SLC23A2: variants seen among roughly 807,000 people sequenced by gnomAD.
SLC23A2 encodes Na(+)/L-ascorbic acid transporter 2.
Under a neutral mutation model 73.3 loss-of-function variants are expected in SLC23A2, and 36 were observed. That is an observed-to-expected ratio of 0.49 (90% CI 0.38 to 0.65). The LOEUF (loss-of-function observed/expected upper bound fraction) is 0.65. Among genes scored for constraint, SLC23A2 ranks in the 30% least tolerant of loss-of-function variants. The probability of loss-of-function intolerance (pLI) is 0.00; values close to 1 mark genes in which losing one functional copy is unlikely to be tolerated. For synonymous variants in SLC23A2, 343 were observed against 327.3 expected, an observed-to-expected ratio of 1.05 and a Z score of -0.52; for missense variants, 507 against 841.6, an observed-to-expected ratio of 0.60 and a Z score of 4.92.
At chr20:4,923,205 G>C (rs779335533) in intron 3 of SLC23A2, among the ~76,000 whole-genome samples, 6 of 139,570 alleles carry the variant, frequency 4.3e-5, no homozygotes, top group Non-Finnish European at 9.3e-5. Flanking sequence ...CCAGGAGTTC[G>C]AGACCAGCCT....
chr20:4,987,502 A>G (rs1337179709), intron 1 of SLC23A2, among the ~76,000 whole-genome samples: 1 of 152,166 alleles, frequency 6.6e-6, no homozygotes, highest in Non-Finnish European at 1.5e-5. Flanking sequence ...TACCAAGAAT[A>G]TCTGTGAGGA....
At chr20:5,007,560 T>C (rs2088204702) in intron 1 of SLC23A2, among the ~76,000 whole-genome samples, 1 of 152,102 alleles carries the variant, frequency 6.6e-6, no homozygotes, top group Admixed American at 6.6e-5. Flanking sequence ...AAGTAAACAA[T>C]TGTAAAGTAT....
At chr20:4,987,907 A>G (rs2087857977) in intron 1 of SLC23A2, among the ~76,000 whole-genome samples, 1 of 152,142 alleles carries the variant, frequency 6.6e-6, no homozygotes, top group Admixed American at 6.6e-5. Flanking sequence ...GAATACCACT[A>G]AAGAATATTT....
chr20:4,906,235 A>G (rs1931948736), intron 4 of SLC23A2, among the ~76,000 whole-genome samples: 1 of 152,058 alleles, frequency 6.6e-6, no homozygotes, highest in African/African-American at 2.4e-5. Flanking sequence ...CCCGCTCAGG[A>G]GTCTGAGGTA....
intron 16 of SLC23A2, among the ~76,000 whole-genome samples, chr20:4,858,992 G>A (rs572781232): frequency 3.9e-5 from 6 of 152,334 alleles, no homozygotes; most frequent in Admixed American, 3.9e-4. Flanking sequence ...TGTGCAGGGG[G>A]ACAGGAGCCT....
At chr20:4,907,424 T>TA (rs1202615612) in intron 4 of SLC23A2, among the ~76,000 whole-genome samples, 1 of 151,938 alleles carries the variant, frequency 6.6e-6, no homozygotes, top group Non-Finnish European at 1.5e-5. Flanking sequence ...GAAGAAAGAC[T>TA]AAAAAAATGA....
chr20:4,959,145 G>A (rs942758225), intron 2 of SLC23A2, among the ~76,000 whole-genome samples: 5 of 151,860 alleles, frequency 3.3e-5, no homozygotes, highest in African/African-American at 9.7e-5. Flanking sequence ...CTTGAACCCA[G>A]GAGGCAGAGG....
At chr20:4,982,730 G>A (rs944893063) in intron 1 of SLC23A2, among the ~76,000 whole-genome samples, 2 of 152,090 alleles carry the variant, frequency 1.3e-5, no homozygotes, top group African/African-American at 4.8e-5. Flanking sequence ...ACCTAAATAT[G>A]TGATTTTCAA....
At chr20:4,970,496 G>C (rs904388708) in intron 2 of SLC23A2, among the ~76,000 whole-genome samples, 2 of 152,148 alleles carry the variant, frequency 1.3e-5, no homozygotes, top group African/African-American at 4.8e-5. Flanking sequence ...ACTTTGGGAG[G>C]TAGAGGCAGG....
chr20:4,858,063 T>G (rs1389014862), intron 16 of SLC23A2, among the ~76,000 whole-genome samples: 1 of 152,224 alleles, frequency 6.6e-6, no homozygotes, highest in Non-Finnish European at 1.5e-5. Context: ...GAATCTTTAT[T>G]GTATCACACA....
At position 4,907,630 on chromosome 20, in the gene SLC23A2, C is replaced by T. The variant is rs1013361990; in HGVS notation, c.208-5072G>A. On this transcript the variant is annotated intron_variant, in intron 4 of 16. Coordinates refer to ENST00000338244, the MANE Select transcript of SLC23A2 (RefSeq NM_005116.6). The stretch of plus-strand genomic sequence containing the variant: ...CACAGGATAGTTTTTTAAAACTCAA[C>T]AGAAGGGCTGGAAGTCAAAGGTAGC... Among the ~76,000 whole-genome samples the T allele has an allele frequency of 6.6e-5, 10 of 151,932 alleles. No individual in the cohort carries two copies. In the South Asian group the frequency reaches 8.3e-4, roughly 13 times the overall value.
intron 3 of SLC23A2, among the ~76,000 whole-genome samples, chr20:4,929,551 T>C (rs1418539190): frequency 6.6e-6 from 1 of 150,830 alleles, no homozygotes; most frequent in Non-Finnish European, 1.5e-5. Flanking sequence ...AGAGATGAAA[T>C]TCCTGGAAGA....
chr20:4,905,797 T>C (rs964235135), intron 4 of SLC23A2, among the ~76,000 whole-genome samples: 2 of 152,192 alleles, frequency 1.3e-5, no homozygotes, highest in East Asian at 3.8e-4. Context: ...GGGAGCCACA[T>C]GGTTCTGTCA....
chr20:4,914,471 C>G (rs1193931370), intron 3 of SLC23A2, among the ~76,000 whole-genome samples: 1 of 151,828 alleles, frequency 6.6e-6, no homozygotes, highest in African/African-American at 2.4e-5. Context: ...GGGAGAGTTA[C>G]TCTCCTGTGT....
In SLC23A2 at chr20:4,947,556, T is replaced by C. The variant is rs565940634; in HGVS notation, c.-154-14840A>G. On this transcript the variant is annotated intron_variant, in intron 2 of 16. Coordinates refer to ENST00000338244, the MANE Select transcript of SLC23A2 (RefSeq NM_005116.6). This position sits in a 1 kb window ranked among gnomAD's most constrained non-coding sequence, Gnocchi z 4.4. ...AGATAAAAACATGTGCATAATGAAC[T>C]ATCAAGTCCCAGGCACAAACATGGT... 1.3e-5 allele frequency among the ~76,000 whole-genome samples: 2 copies of C among 152,332 alleles called. No homozygotes were observed. The highest frequency in any genetic ancestry group is 4.8e-5 in the African/African-American group (2 of 41,582).
intron 13 of SLC23A2, among the ~76,000 whole-genome samples, chr20:4,865,213 T>C (rs1930142483): frequency 6.6e-6 from 1 of 152,162 alleles, no homozygotes; most frequent in African/African-American, 2.4e-5. Flanking sequence ...TACAAAGTCT[T>C]CAACGGTGGT....
At position 4,862,136 on chromosome 20, in the gene SLC23A2, C is replaced by G; in HGVS notation, c.1487-51G>C. On this transcript the variant is annotated intron_variant, in intron 14 of 16. Transcript: ENST00000338244. The surrounding 1 kb of genome is among the most constrained non-coding windows in gnomAD (Gnocchi z 5.1). The stretch of plus-strand genomic sequence containing the variant: ...AGCTCCAGCACCACTACAGCGGGGA[C>G]AGCTCAAGGCAGGTGAGGGCAGGCT... The G allele has an allele frequency of 6.3e-7, 1 of 1,594,102 alleles. No individual in the cohort carries two copies. The highest frequency in any genetic ancestry group is 8.6e-7 in the Non-Finnish European group (1 of 1,167,620).
intron 3 of SLC23A2, among the ~76,000 whole-genome samples, chr20:4,915,881 G>A (rs534473740): frequency 6.6e-6 from 1 of 152,322 alleles, no homozygotes; most frequent in South Asian, 2.1e-4. Context: ...CCAGGAGGTG[G>A]AGGTTGCAGT....
chr20:4,911,621 TTTC>T (rs1386290811), intron 4 of SLC23A2, among the ~76,000 whole-genome samples: 1 of 152,164 alleles, frequency 6.6e-6, no homozygotes, highest in African/African-American at 2.4e-5. Context: ...AATTGTTTAG[TTTC>T]TTATTATGTC....
Sources: allele counts gnomAD v4.1 joint callset (sites outside exome capture counted in the v4.1 genomes callset), GRCh38; gene constraint gnomAD v4.1.1; non-coding constraint Gnocchi (gnomAD v3.1); transcripts MANE v1.5; gene names NCBI Gene and HGNC (gene_info 2026-07-23, HGNC 2026-07-21).